Variants in SLC6A18 observed in about 807,000 individuals in gnomAD.
The protein encoded by SLC6A18 is inactive sodium-dependent neutral amino acid transporter B(0)AT3.
Under a neutral mutation model 62.9 loss-of-function variants are expected in SLC6A18, and 58 were observed. That is an observed-to-expected ratio of 0.92 (90% CI 0.75 to 1.15). The LOEUF (loss-of-function observed/expected upper bound fraction) is 1.15, where lower values mean the gene tolerates loss of function less well. SLC6A18 is among the 50% of genes most tolerant of loss of function. The probability of loss-of-function intolerance (pLI) is 0.00; values close to 1 mark genes in which losing one functional copy is unlikely to be tolerated. For missense variants in SLC6A18, 793 were observed against 836.6 expected (o/e 0.95, Z 0.64); for synonymous variants, 382 against 365.8 (o/e 1.04, Z -0.51).
At chr5:1,232,919 C>T (rs771647489) in intron 3 of SLC6A18, 31 bp downstream of exon 3, 61 of 1,584,938 alleles carry the variant, frequency 3.8e-5, no homozygotes, top group South Asian at 2.6e-4. Flanking sequence ...TGTGTGGGTC[C>T]GTGCACGGCC....
At chr5:1,237,086 A>T (rs1415616759) in intron 4 of SLC6A18, among the ~76,000 whole-genome samples, 3 of 151,826 alleles carry the variant, frequency 2.0e-5, no homozygotes, top group East Asian at 1.9e-4. Context: ...ATAAAAAAAA[A>T]AAAAAATTAG....
chr5:1,244,190 C>G lies in SLC6A18; in HGVS notation c.1337-24C>G, dbSNP rs1242740174. The stretch of plus-strand genomic sequence containing the variant: ...CTCCACTCCCCATCCCCTTACCCCC[C>G]ACACCCCTTTCCCACTGCCCCAGGG... On this transcript the variant is annotated intron_variant, in intron 9 of 11. Coordinates refer to ENST00000324642, the MANE Select transcript of SLC6A18 (RefSeq NM_182632.3). 7.0e-6 allele frequency: 11 copies of G among 1,576,602 alleles called. 4 individuals carry two copies. In the Admixed American group the frequency reaches 1.7e-4, roughly 24 times the overall value.
At chr5:1,239,633 G>A (rs1747001709) in intron 6 of SLC6A18, 71 bp downstream of exon 6, 3 of 1,190,632 alleles carry the variant, frequency 2.5e-6, no homozygotes, top group African/African-American at 1.5e-5. Flanking sequence ...CTGATCTCAG[G>A]ATCACACTGT....
chr5:1,242,083 C>A (rs1017657629), intron 7 of SLC6A18, among the ~76,000 whole-genome samples: 5 of 8,470 alleles, frequency 5.9e-4, no homozygotes, highest in African/African-American at 2.8e-3. Context: ...GAAGGGTGGG[C>A]GGGTGGGCTG....
chr5:1,244,401 T>C (rs747184745), intron 10 of SLC6A18, 28 bp downstream of exon 10: 1 of 1,612,392 alleles, frequency 6.2e-7, no homozygotes, highest in African/African-American at 1.3e-5. Flanking sequence ...CGAGTGCTCC[T>C]CTGGGACCCA....
rs139414850 is a variant in SLC6A18 at position 1,235,546 on chromosome 5, A to T, written c.505A>T (p.Ile169Phe). 101 of 1,613,950 alleles carry T rather than the reference A, an allele frequency of 6.3e-5. No homozygotes were observed. Among genetic ancestry groups the T allele is most frequent in the Non-Finnish European group, 8.1e-5 (96 of 1,180,038 alleles). The change falls in exon 4 of 12, where the codon ATC becomes TTC. Residue 169 changes from isoleucine to phenylalanine, a missense_variant. Transcript: ENST00000324642. Reference protein sequence around the residue: ...SYFWYRQTLNITADINDSGSI... With the variant: ...SYFWYRQTLNFTADINDSGSI... ...CTTCTGGTACCGGCAGACACTGAAC[A>T]TCACAGCCGACATCAATGACAGTGG...
Position 1,243,105 on chromosome 5 carries a change from C to T in SLC6A18, c.1131+242C>T, listed in dbSNP as rs776330718. Among the ~76,000 whole-genome samples, 6 of 152,220 alleles carry T rather than the reference C, an allele frequency of 3.9e-5. No individual in the cohort carries two copies. Among genetic ancestry groups the T allele is most frequent in the Non-Finnish European group, 8.8e-5 (6 of 68,034 alleles). On this transcript the variant is annotated intron_variant, in intron 8 of 11. Coordinates refer to ENST00000324642, the MANE Select transcript of SLC6A18 (RefSeq NM_182632.3). This position sits in a 1 kb window ranked among gnomAD's most constrained non-coding sequence, Gnocchi z 6.5. ...CCAGCAGTCTTGGGGGTTGGGCTGA[C>T]CCGAGAGAGTGGGCATTGCTGGTGC...
intron 1 of SLC6A18, among the ~76,000 whole-genome samples, chr5:1,227,072 CCCCTTGCCCGCCG>C: frequency 6.8e-6 from 1 of 146,952 alleles, no homozygotes. Flanking sequence ...TGCCCGCCGA[CCCCTTGCCCGCCG>C]ACGCCTTGCC....
chr5:1,246,176 C>A lies in SLC6A18; in HGVS notation c.*98C>A. 1 of 1,413,076 alleles carries A rather than the reference C, an allele frequency of 7.1e-7. No individual in the cohort carries two copies. The highest frequency in any genetic ancestry group is 9.3e-7 in the Non-Finnish European group (1 of 1,073,208). The allele number at this position is 1,413,076 out of a possible 1,614,324, so 87.5% of individuals were successfully genotyped here. A position where few individuals can be genotyped will look rare whatever the true frequency, so the allele number is the denominator to read the frequency against. On this transcript the variant is annotated 3_prime_UTR_variant, in exon 12 of 12. Transcript: ENST00000324642. Reference sequence around the variant, plus strand: ...CACAGGGCCGACCCCAATACACCAGCGACTCAACCTTGATGCCGCTGTGTA... The same window carrying A: ...CACAGGGCCGACCCCAATACACCAGAGACTCAACCTTGATGCCGCTGTGTA...
At chr5:1,233,749 A>T (rs1337929469) in intron 3 of SLC6A18, among the ~76,000 whole-genome samples, 8 of 138,634 alleles carry the variant, frequency 5.8e-5, no homozygotes, top group East Asian at 2.0e-4. Context: ...CACTCAGCTA[A>T]TTTTTTTTTT....
Position 1,232,962 on chromosome 5 carries a change from C to T in SLC6A18, c.439+74C>T, listed in dbSNP as rs1746773544. The T allele has an allele frequency of 1.2e-5, 19 of 1,533,832 alleles. No individual in the cohort carries two copies. In the South Asian group the frequency reaches 2.2e-4, roughly 17 times the overall value. ...GCATGTGCTGCAGCGTGTCCAGCAT[C>T]AGAGCAGCTGCGGGTGGCGGATGCT... On this transcript the variant is annotated intron_variant, in intron 3 of 11. Transcript: ENST00000324642.
At chr5:1,245,730 C>A in intron 11 of SLC6A18, 118 bp from the exon 12 acceptor site, 1 of 1,127,924 alleles carries the variant, frequency 8.9e-7, no homozygotes, top group Non-Finnish European at 1.2e-6. Context: ...CGTGCCTTTT[C>A]CATTCCCATC....
Position 1,244,328 on chromosome 5 carries a change from C to T in SLC6A18, c.1451C>T (p.Ala484Val), listed in dbSNP as rs1425101181. 6.2e-7 allele frequency: 1 copy of T among 1,614,128 alleles called. No individual in the cohort carries two copies. Among genetic ancestry groups the T allele is most frequent in the Non-Finnish European group, 8.5e-7 (1 of 1,180,010 alleles). Residue 484 changes from alanine (A) to valine (V), a missense_variant, in exon 10 of 12, where the codon GCC becomes GTC. Transcript: ENST00000324642. Reference protein sequence around the residue: ...FAASPNLLMLAFLEVVGVVYV... With the variant: ...FAASPNLLMLVFLEVVGVVYV... ...GCTTCCCCGAACCTGCTCATGTTGG[C>T]CTTTCTCGAGGTTGTGGGTGTCGTT... is the stretch of plus-strand genomic sequence containing the variant.
At chr5:1,236,534 C>A (rs1279247238) in intron 4 of SLC6A18, among the ~76,000 whole-genome samples, 1 of 152,218 alleles carries the variant, frequency 6.6e-6, no homozygotes, top group East Asian at 1.9e-4. Flanking sequence ...CCAGTAGAAC[C>A]TGAGCCTCCT....
chr5:1,243,494 G>A lies in SLC6A18; in HGVS notation c.1132-61G>A, dbSNP rs755129926. ...GAGAGTGTGTGTCCTGCAGGCAGGC[G>A]TGTGTGTGTGGTGGAGTGTGTGTGT... On this transcript the variant is annotated intron_variant, in intron 8 of 11. Coordinates refer to ENST00000324642, the MANE Select transcript of SLC6A18 (RefSeq NM_182632.3). The surrounding 1 kb of genome is among the most constrained non-coding windows in gnomAD (Gnocchi z 6.5). The A allele has an allele frequency of 6.5e-5, 98 of 1,510,636 alleles. No homozygotes were observed. The highest frequency in any genetic ancestry group is 8.1e-5 in the Non-Finnish European group (89 of 1,101,190). The allele number at this position is 1,510,636 out of a possible 1,614,324, so 93.6% of individuals were successfully genotyped here. A position where few individuals can be genotyped will look rare whatever the true frequency, so the allele number is the denominator to read the frequency against.
chr5:1,235,057 C>T lies in SLC6A18; in HGVS notation c.440-424C>T, dbSNP rs182215159. Among the ~76,000 whole-genome samples the T allele has an allele frequency of 1.7e-3, 253 of 152,318 alleles. 1 individual carries two copies. The highest frequency in any genetic ancestry group is 6.8e-3 in the Middle Eastern group (2 of 294). On this transcript the variant is annotated intron_variant, in intron 3 of 11. Transcript: ENST00000324642. ...AAGTGGGAGTCACAGGACAATCTGC[C>T]CGCCTGGCCACAGCCTCACTTTCTC...
intron 1 of SLC6A18, among the ~76,000 whole-genome samples, chr5:1,230,419 T>A (rs950185137): frequency 1.1e-4 from 17 of 152,140 alleles, no homozygotes; most frequent in African/African-American, 3.9e-4. Context: ...GGGTGTCAGG[T>A]GCCTCCACCT....
rs374651833 is a variant in SLC6A18 at position 1,240,710 on chromosome 5, T to G, written c.974+51T>G. ...CTGTGGGGCACAGCCGCCAGACAGGTGCCTGCCGCACCGAGAATCCCAAGG... is the reference window on the plus strand; with the variant it reads ...CTGTGGGGCACAGCCGCCAGACAGGGGCCTGCCGCACCGAGAATCCCAAGG... On this transcript the variant is annotated intron_variant, in intron 7 of 11. Coordinates refer to ENST00000324642, the MANE Select transcript of SLC6A18 (RefSeq NM_182632.3). The G allele has an allele frequency of 6.7e-5, 108 of 1,605,970 alleles. No homozygotes were observed. In the African/African-American group the frequency reaches 1.4e-3, roughly 20 times the overall value.
At chr5:1,237,207 C>T (rs1746905083) in intron 4 of SLC6A18, among the ~76,000 whole-genome samples, 1 of 142,040 alleles carries the variant, frequency 7.0e-6, no homozygotes, top group African/African-American at 2.6e-5. Flanking sequence ...GGCCATTGCA[C>T]TCCAGCCTGG....
Sources: allele counts gnomAD v4.1 joint callset (sites outside exome capture counted in the v4.1 genomes callset), GRCh38; gene constraint gnomAD v4.1.1; non-coding constraint Gnocchi (gnomAD v3.1); transcripts MANE v1.5; gene names NCBI Gene and HGNC (gene_info 2026-07-23, HGNC 2026-07-21).